NRCAM: variants seen among roughly 807,000 people sequenced by gnomAD.
NRCAM encodes neuronal cell adhesion molecule, also known as NgCAM-related cell adhesion molecule.
NRCAM carries 83 observed loss-of-function variants against 156.5 expected under a neutral mutation model. That is an observed-to-expected ratio of 0.53 (90% CI 0.44 to 0.64). NRCAM has a LOEUF of 0.64. NRCAM is among the 30% of genes least tolerant of loss of function. NRCAM has a pLI of 0.00. For missense variants in NRCAM, 1,417 were observed against 1,597.3 expected (o/e 0.89, Z 1.92); for synonymous variants, 538 against 563.9 (o/e 0.95, Z 0.65).
chr7:108,329,903 C>T (rs1292435109), intron 2 of NRCAM, among the ~76,000 whole-genome samples: 2 of 152,138 alleles, frequency 1.3e-5, no homozygotes, highest in Non-Finnish European at 2.9e-5. Flanking sequence ...AAATCATTTT[C>T]TGATTTTCAT....
At chr7:108,385,713 G>A (rs1322929432) in intron 2 of NRCAM, among the ~76,000 whole-genome samples, 1 of 152,136 alleles carries the variant, frequency 6.6e-6, no homozygotes, top group Non-Finnish European at 1.5e-5. Context: ...ATCCTTCATG[G>A]GATGGAGGGC....
At chr7:108,210,227 C>T (rs996304603) in intron 11 of NRCAM, among the ~76,000 whole-genome samples, 2 of 151,674 alleles carry the variant, frequency 1.3e-5, no homozygotes, top group East Asian at 1.9e-4. Flanking sequence ...ATTACTCATA[C>T]CATTTGTCAC....
intron 24 of NRCAM, 46 bp from the exon 25 acceptor site, chr7:108,180,473 A>T (rs2062831135): frequency 6.9e-7 from 1 of 1,452,124 alleles, no homozygotes. Flanking sequence ...AGGAGCAAAC[A>T]AGATTCCTTA....
intron 2 of NRCAM, among the ~76,000 whole-genome samples, chr7:108,346,139 C>T (rs1370676514): frequency 6.6e-6 from 1 of 152,130 alleles, no homozygotes; most frequent in Admixed American, 6.5e-5. Context: ...GGCGAGGAGA[C>T]AATGACTGTG....
At chr7:108,400,787 A>G (rs1175801330) in intron 1 of NRCAM, among the ~76,000 whole-genome samples, 1 of 152,086 alleles carries the variant, frequency 6.6e-6, no homozygotes, top group East Asian at 1.9e-4. Context: ...CAGCGTGAGA[A>G]TGGGGTCAGG....
chr7:108,177,691 A>G (rs1277348381), intron 26 of NRCAM, among the ~76,000 whole-genome samples: 1 of 18,316 alleles, frequency 5.5e-5, no homozygotes, highest in African/African-American at 8.7e-5. Context: ...ACGTGTATAT[A>G]TATATACACG....
intron 5 of NRCAM, among the ~76,000 whole-genome samples, chr7:108,236,812 G>C (rs1230635224): frequency 2.0e-5 from 3 of 152,036 alleles, no homozygotes; most frequent in Non-Finnish European, 2.9e-5. Context: ...CCACATCCAA[G>C]GAATAGTGGC....
At chr7:108,284,522 T>C (rs1410869396) in intron 3 of NRCAM, among the ~76,000 whole-genome samples, 2 of 152,172 alleles carry the variant, frequency 1.3e-5, no homozygotes, top group Non-Finnish European at 2.9e-5. Context: ...CCCAAGTTAA[T>C]GTTCAGACTT....
chr7:108,278,809 G>A (rs997522472), intron 3 of NRCAM, among the ~76,000 whole-genome samples: 1 of 152,226 alleles, frequency 6.6e-6, no homozygotes. Flanking sequence ...TACCTCAGTT[G>A]GAAATGCAGA....
At chr7:108,368,950 T>A (rs973320227) in intron 2 of NRCAM, among the ~76,000 whole-genome samples, 1 of 152,100 alleles carries the variant, frequency 6.6e-6, no homozygotes, top group African/African-American at 2.4e-5. Flanking sequence ...GATACTAAAA[T>A]AGGGGGATTT....
In NRCAM at chr7:108,189,736, AT is replaced by A; in HGVS notation, c.1943del (p.Asn648IlefsTer6). On this transcript the variant is annotated frameshift_variant, in exon 20 of 33. Transcript: ENST00000379028. LOFTEE classifies it high-confidence loss of function. ...PTPAPVYDVP[N>X]PPFDLELTDQ... is the part of the protein sequence containing the mutation. The stretch of plus-strand genomic sequence containing the variant: ...CTGTCAGTTCTAAGTCAAAGGGAGG[AT>A]TTGGGACATCTGTAGACCAAACATA... 7.0e-7 allele frequency: 1 copy of A among 1,431,968 alleles called. No individual in the cohort carries two copies. Among genetic ancestry groups the A allele is most frequent in the Non-Finnish European group, 9.8e-7 (1 of 1,017,234 alleles). The allele number at this position is 1,431,968 out of a possible 1,614,324, so 88.7% of individuals were successfully genotyped here. A position where few individuals can be genotyped will look rare whatever the true frequency, so the allele number is the denominator to read the frequency against.
At chr7:108,330,062 CAT>C (rs1049093680) in intron 2 of NRCAM, among the ~76,000 whole-genome samples, 11 of 152,140 alleles carry the variant, frequency 7.2e-5, no homozygotes, top group African/African-American at 2.7e-4. Flanking sequence ...ATACAACACA[CAT>C]GACTGATTAC....
intron 17 of NRCAM, 30 bp downstream of exon 17, chr7:108,193,994 A>G (rs1350912444): frequency 6.2e-7 from 1 of 1,605,722 alleles, no homozygotes. Flanking sequence ...GAAAGAATGA[A>G]GAGAAAGTAA....
intron 2 of NRCAM, among the ~76,000 whole-genome samples, chr7:108,361,937 C>T (rs1460593816): frequency 1.3e-5 from 2 of 152,000 alleles, no homozygotes; most frequent in Non-Finnish European, 2.9e-5. Flanking sequence ...TCATGTAATT[C>T]GGCAGTTTTT....
chr7:108,451,776 G>C (rs1369070002), intron 1 of NRCAM, among the ~76,000 whole-genome samples: 1 of 152,120 alleles, frequency 6.6e-6, no homozygotes, highest in African/African-American at 2.4e-5. Flanking sequence ...TAGGATGTTT[G>C]TTGCCAGGGG....
chr7:108,279,870 T>C (rs2097786966), intron 3 of NRCAM, among the ~76,000 whole-genome samples: 1 of 152,058 alleles, frequency 6.6e-6, no homozygotes, highest in Non-Finnish European at 1.5e-5. Context: ...TGCAACACCA[T>C]CTTTATGCTG....
At chr7:108,344,160 G>C (rs566499631) in intron 2 of NRCAM, among the ~76,000 whole-genome samples, 92 of 152,242 alleles carry the variant, frequency 6.0e-4, no homozygotes, top group African/African-American at 2.1e-3. Flanking sequence ...CTGTTGAGAG[G>C]GGGTACTGAG....
intron 1 of NRCAM, among the ~76,000 whole-genome samples, chr7:108,449,606 G>C (rs1369301220): frequency 6.6e-6 from 1 of 152,198 alleles, no homozygotes; most frequent in Non-Finnish European, 1.5e-5. Flanking sequence ...TAATTAATGG[G>C]AGATTAGTAC....
Position 108,168,294 on chromosome 7 carries a change from T to TC in NRCAM, c.3295dup (p.Glu1099GlyfsTer54). Reference sequence around the variant, plus strand: ...TTTCTTACTGCCTGCTACACCATATTCAACATAAAAGTTCACATGCTCTGG... The same window carrying TC: ...TTTCTTACTGCCTGCTACACCATATTCCAACATAAAAGTTCACATGCTCTGG... On this transcript the variant is annotated frameshift_variant, in exon 29 of 33. Transcript: ENST00000379028. LOFTEE classifies it high-confidence loss of function. The TC allele has an allele frequency of 6.3e-7, 1 of 1,588,836 alleles. No homozygotes were observed. The highest frequency in any genetic ancestry group is 8.6e-7 in the Non-Finnish European group (1 of 1,169,462).
Sources: allele counts gnomAD v4.1 joint callset (sites outside exome capture counted in the v4.1 genomes callset), GRCh38; gene constraint gnomAD v4.1.1; transcripts MANE v1.5; gene names NCBI Gene and HGNC (gene_info 2026-07-23, HGNC 2026-07-21).